ANKHD1: variants seen among roughly 807,000 people sequenced by gnomAD.
ANKHD1 encodes the protein ankyrin repeat and KH domain containing 1, also known as ankyrin repeat and KH domain-containing protein 1.
In ANKHD1, 31 loss-of-function variants were observed where a neutral mutation model predicts 230.5. That is an observed-to-expected ratio of 0.13 (90% confidence interval 0.10 to 0.18). ANKHD1 has a LOEUF of 0.18. ANKHD1 is among the 10% of genes least tolerant of loss of function. ANKHD1 has a pLI of 1.00. For missense variants in ANKHD1, 2,256 were observed against 3,071.3 expected, an observed-to-expected ratio of 0.73 and a Z score of 6.27; for synonymous variants, 1,074 against 1,117.6, an observed-to-expected ratio of 0.96 and a Z score of 0.78.
chr5:140,454,915 A>G (rs572549685), intron 7 of ANKHD1, among the ~76,000 whole-genome samples: 7 of 152,204 alleles, frequency 4.6e-5, no homozygotes, highest in African/African-American at 7.2e-5. Context: ...AAAAAAATCA[A>G]TGAATCCAGG....
intron 10 of ANKHD1, among the ~76,000 whole-genome samples, chr5:140,465,561 A>G: frequency 6.6e-6 from 1 of 152,202 alleles, no homozygotes. Flanking sequence ...TGTGACATAC[A>G]TAGCTGTAAA....
chr5:140,526,584 C>A, intron 26 of ANKHD1, 141 bp downstream of exon 26: 1 of 1,162,820 alleles, frequency 8.6e-7, no homozygotes, highest in Non-Finnish European at 1.2e-6. Flanking sequence ...ATATTCAAAA[C>A]TGAAATTCAC....
At chr5:140,473,715 G>A (rs1042840018) in intron 10 of ANKHD1, among the ~76,000 whole-genome samples, 9 of 152,198 alleles carry the variant, frequency 5.9e-5, no homozygotes, top group African/African-American at 2.2e-4. Flanking sequence ...ATGTGAACAT[G>A]TGAGCTTCTA....
At chr5:140,502,230 A>G (rs1752338626) in intron 15 of ANKHD1, among the ~76,000 whole-genome samples, 1 of 152,190 alleles carries the variant, frequency 6.6e-6, no homozygotes, top group Non-Finnish European at 1.5e-5. Context: ...TGCACTTTTT[A>G]AATCTCTTGC....
At chr5:140,458,326 A>T (rs1433562145) in intron 7 of ANKHD1, among the ~76,000 whole-genome samples, 1 of 152,222 alleles carries the variant, frequency 6.6e-6, no homozygotes, top group East Asian at 1.9e-4. Flanking sequence ...ACTTCAAAAA[A>T]TGGAAATTTA....
intron 15 of ANKHD1, among the ~76,000 whole-genome samples, chr5:140,499,640 G>A (rs1340804691): frequency 6.6e-6 from 1 of 151,948 alleles, no homozygotes; most frequent in Non-Finnish European, 1.5e-5. Flanking sequence ...CCTTTAGTGT[G>A]TTGTTTGATA....
chr5:140,507,702 G>A lies in ANKHD1; in HGVS notation c.3552-83G>A. 1 of 1,496,520 alleles carries A rather than the reference G, an allele frequency of 6.7e-7. No homozygotes were observed. 92.7% of individuals were successfully genotyped at this position (1,496,520 alleles called of 1,614,324 possible). ...TTGATGTTAGAAACCTCTCTTTTTA[G>A]TGAAACCTTTTCATCTTTAATGCTT... On this transcript the variant is annotated intron_variant, in intron 19 of 33. Coordinates refer to ENST00000360839, the MANE Select transcript of ANKHD1 (RefSeq NM_017747.3). This position sits in a 1 kb window ranked among gnomAD's most constrained non-coding sequence, Gnocchi z 4.1.
chr5:140,513,796 G>A (rs1363125472), intron 24 of ANKHD1, among the ~76,000 whole-genome samples: 13 of 140,186 alleles, frequency 9.3e-5, no homozygotes, highest in East Asian at 4.2e-4. Context: ...CTGACAGAGC[G>A]AGACTGTCTC....
In ANKHD1 at chr5:140,529,720, G is replaced by C; in HGVS notation, c.6774G>C (p.Leu2258Phe). ...AFLGNSVLGH[L>F]ENMHPDNSKA... ...TGGGTAACTCAGTGCTTGGACACTT[G>C]GAAAACATGCACCCTGATAACTCAA... is the stretch of plus-strand genomic sequence containing the variant. The change falls in exon 29 of 34, where the codon TTG (leucine) becomes TTC (phenylalanine). Residue 2258 changes from leucine (L) to phenylalanine (F), a missense_variant. This residue lies in a region of ANKHD1 where 778 missense variants were observed against 966.5 expected (regional missense o/e 0.80). Transcript: ENST00000360839. 3.7e-6 allele frequency: 6 copies of C among 1,614,096 alleles called. No individual in the cohort carries two copies. The highest frequency in any genetic ancestry group is 5.1e-6 in the Non-Finnish European group (6 of 1,180,038).
intron 1 of ANKHD1, among the ~76,000 whole-genome samples, chr5:140,427,250 C>T (rs1398903583): frequency 1.4e-5 from 2 of 147,900 alleles, no homozygotes; most frequent in Non-Finnish European, 3.0e-5. Flanking sequence ...ACCTCCCAGA[C>T]GGGGTGGCTG....
intron 32 of ANKHD1, among the ~76,000 whole-genome samples, chr5:140,538,546 GATGCTT>G (rs1410360893): frequency 1.3e-5 from 2 of 152,176 alleles, no homozygotes; most frequent in Non-Finnish European, 2.9e-5. Context: ...TGAGTTCACT[GATGCTT>G]TCTTGTCTGC....
Position 140,440,101 on chromosome 5 carries a change from G to T in ANKHD1, c.618-18G>T. ...AGTCTTTTTGTTTCGGTTAATTGTT[G>T]AATGGTTTTGTTTCCAGTCGCAGTC... On this transcript the variant is annotated intron_variant, in intron 3 of 33. Transcript: ENST00000360839. The T allele has an allele frequency of 6.4e-7, 1 of 1,573,984 alleles. No homozygotes were observed. The highest frequency in any genetic ancestry group is 8.6e-7 in the Non-Finnish European group (1 of 1,160,710).
At chr5:140,509,974 G>A (rs1421231011) in intron 21 of ANKHD1, 45 bp from the exon 22 acceptor site, 13 of 1,558,738 alleles carry the variant, frequency 8.3e-6, no homozygotes, top group Non-Finnish European at 1.1e-5. Context: ...GAAAAAGCCA[G>A]CCTCTTCTTA....
chr5:140,499,125 T>C (rs1324711201), intron 15 of ANKHD1, among the ~76,000 whole-genome samples: 2 of 152,072 alleles, frequency 1.3e-5, no homozygotes, highest in Non-Finnish European at 2.9e-5. Flanking sequence ...ATTATCTTCA[T>C]GTAAAAACTT....
intron 1 of ANKHD1, among the ~76,000 whole-genome samples, chr5:140,417,469 TA>T (rs1406991123): frequency 6.6e-6 from 1 of 151,978 alleles, no homozygotes; most frequent in Non-Finnish European, 1.5e-5. Flanking sequence ...AATAATTAAT[TA>T]AAGACAGTGT....
chr5:140,499,233 T>C (rs1458226662), intron 15 of ANKHD1, among the ~76,000 whole-genome samples: 1 of 151,756 alleles, frequency 6.6e-6, no homozygotes, highest in East Asian at 1.9e-4. Flanking sequence ...ATATTATATT[T>C]TCTTAAGTCA....
At chr5:140,475,873 C>T (rs28551559) in intron 10 of ANKHD1, among the ~76,000 whole-genome samples, 3 of 151,968 alleles carry the variant, frequency 2.0e-5, no homozygotes, top group South Asian at 4.1e-4. Context: ...AGCTGGAGAG[C>T]GAATCTTTAT....
At chr5:140,419,776 T>C (rs865969427) in intron 1 of ANKHD1, among the ~76,000 whole-genome samples, 2 of 13,846 alleles carry the variant, frequency 1.4e-4, no homozygotes, top group Admixed American at 7.0e-4. Context: ...TCCTTTCTTT[T>C]TCTTTCTTTC....
At chr5:140,483,991 A>G (rs976412823) in intron 11 of ANKHD1, among the ~76,000 whole-genome samples, 5 of 152,240 alleles carry the variant, frequency 3.3e-5, no homozygotes, top group African/African-American at 1.2e-4. Flanking sequence ...TGCTAAGAAT[A>G]TAATCAGGCT....
Sources: gnomAD v4.1 joint callset for allele counts (sites outside exome capture counted in the v4.1 genomes callset) on GRCh38, gnomAD v4.1.1 for gene constraint, gnomAD v4.1.1 regional missense constraint, Gnocchi (gnomAD v3.1) non-coding constraint, MANE v1.5 for transcripts, NCBI Gene and HGNC (gene_info 2026-07-23, HGNC 2026-07-21) for gene names.